The following DPP6 variants were observed in gnomAD, a reference collection of about 807,000 sequenced individuals.
DPP6 encodes the protein dipeptidyl peptidase like 6.
In DPP6, 69 loss-of-function variants were observed where a neutral mutation model predicts 122.6. That is an observed-to-expected ratio of 0.56 (90% CI 0.46 to 0.69). The LOEUF is 0.69. Among genes scored for constraint, DPP6 ranks in the 30% least tolerant of loss-of-function variants. The pLI is 0.00. For missense variants in DPP6, 928 were observed against 1,116.9 expected, an observed-to-expected ratio of 0.83 and a Z score of 2.41; for synonymous variants, 418 against 433.1, an observed-to-expected ratio of 0.97 and a Z score of 0.43.
chr7:153,895,987 G>A (rs1176258523), intron 1 of DPP6, among the ~76,000 whole-genome samples: 2 of 152,350 alleles, frequency 1.3e-5, no homozygotes, highest in East Asian at 1.9e-4. Flanking sequence ...GGCTAGCCAG[G>A]CCGGCCACAA....
chr7:154,611,982 A>T (rs1184729125), intron 5 of DPP6, among the ~76,000 whole-genome samples: 1 of 152,180 alleles, frequency 6.6e-6, no homozygotes, highest in Non-Finnish European at 1.5e-5. Flanking sequence ...CATGTGTTGG[A>T]AATTTAATCT....
chr7:154,576,474 A>G (rs1831680788), intron 5 of DPP6, among the ~76,000 whole-genome samples: 1 of 152,156 alleles, frequency 6.6e-6, no homozygotes, highest in Non-Finnish European at 1.5e-5. Context: ...TGCCTTTTGT[A>G]GTAGAAAGGG....
chr7:154,563,649 A>G lies in DPP6; in HGVS notation c.553-3193A>G, dbSNP rs146462577. ...ACAGAGGGAAAGAGAAAAGATAGCC[A>G]AGAGTTTGACCTAACAACCAAGCTA... On this transcript the variant is annotated intron_variant, in intron 4 of 25. Transcript: ENST00000377770. Among the ~76,000 whole-genome samples, 421 of 152,274 alleles carry G rather than the reference A, an allele frequency of 2.8e-3. 2 individuals carry two copies. The highest frequency in any genetic ancestry group is 9.9e-3 in the African/African-American group (412 of 41,560).
intron 1 of DPP6, among the ~76,000 whole-genome samples, chr7:154,157,494 T>C: frequency 6.6e-6 from 1 of 152,234 alleles, no homozygotes; most frequent in South Asian, 2.1e-4. Flanking sequence ...CTGACTTTTA[T>C]TGGCTCATAG....
chr7:154,597,880 G>C (rs1239248720), intron 5 of DPP6, among the ~76,000 whole-genome samples: 1 of 152,034 alleles, frequency 6.6e-6, no homozygotes, highest in Non-Finnish European at 1.5e-5. Context: ...TCTTCACATG[G>C]TGCTCTCCTT....
upstream of DPP6, among the ~76,000 whole-genome samples, chr7:153,886,838 C>G (rs527302703): frequency 1.3e-5 from 2 of 152,192 alleles, no homozygotes; most frequent in Non-Finnish European, 2.9e-5. Context: ...CCGCGTCTGG[C>G]TCTTCCCGGC....
At chr7:154,492,658 GA>G (rs1295097552) in intron 3 of DPP6, among the ~76,000 whole-genome samples, 1 of 152,134 alleles carries the variant, frequency 6.6e-6, no homozygotes, top group Non-Finnish European at 1.5e-5. Context: ...TACATATGAG[GA>G]AACTGAAGGT....
chr7:154,536,192 A>C (rs1371482853), intron 3 of DPP6, among the ~76,000 whole-genome samples: 1 of 152,178 alleles, frequency 6.6e-6, no homozygotes, highest in Non-Finnish European at 1.5e-5. Flanking sequence ...AGAGAAACAC[A>C]AAAGACTATG....
At chr7:154,769,612 T>C (rs750916571) in intron 9 of DPP6, 41 bp downstream of exon 9, 183 of 1,515,718 alleles carry the variant, frequency 1.2e-4, no homozygotes, top group Non-Finnish European at 1.6e-4. Flanking sequence ...TTTATATTAT[T>C]CATGAACACC....
At chr7:154,796,046 G>T in intron 12 of DPP6, 163 bp downstream of exon 12, 4 of 1,132,944 alleles carry the variant, frequency 3.5e-6, no homozygotes, top group Non-Finnish European at 4.8e-6. Flanking sequence ...GGTGCCTCCC[G>T]TTCTCCAGGG....
intron 1 of DPP6, among the ~76,000 whole-genome samples, chr7:154,318,859 C>T (rs879312419): frequency 6.6e-6 from 1 of 152,156 alleles, no homozygotes; most frequent in Admixed American, 6.5e-5. Flanking sequence ...CTTCGGAGAA[C>T]CTGGCCATTC....
chr7:154,229,841 T>C (rs1268192494), intron 1 of DPP6, among the ~76,000 whole-genome samples: 2 of 152,152 alleles, frequency 1.3e-5, no homozygotes, highest in Non-Finnish European at 2.9e-5. Flanking sequence ...TTCAGACATG[T>C]TATAACAAAT....
the DPP6 span, among the ~76,000 whole-genome samples, chr7:153,764,584 C>G: frequency 6.6e-6 from 1 of 150,494 alleles, no homozygotes; most frequent in East Asian, 2.0e-4. Flanking sequence ...CAAAGCCGCA[C>G]TTTTTCTCAT....
intron 1 of DPP6, among the ~76,000 whole-genome samples, chr7:154,029,425 G>A (rs995449406): frequency 6.6e-6 from 1 of 152,092 alleles, no homozygotes. Context: ...GCTGAAGCAG[G>A]AGCATGGCGT....
chr7:154,488,494 G>A (rs757566646), intron 3 of DPP6, among the ~76,000 whole-genome samples: 24 of 150,846 alleles, frequency 1.6e-4, no homozygotes, highest in African/African-American at 4.9e-4. Flanking sequence ...AATAAGAAAC[G>A]CACATCTGAT....
chr7:154,843,115 G>A (rs1584869873), intron 16 of DPP6, among the ~76,000 whole-genome samples: 1 of 152,168 alleles, frequency 6.6e-6, no homozygotes, highest in African/African-American at 2.4e-5. Flanking sequence ...AAATATGATT[G>A]TATGCTTTCA....
chr7:153,825,688 T>C, the DPP6 span, among the ~76,000 whole-genome samples: 1 of 152,182 alleles, frequency 6.6e-6, no homozygotes, highest in Admixed American at 6.5e-5. Flanking sequence ...GCCTCCTGAG[T>C]AGCAGGGATT....
chr7:154,744,427 G>A (rs1842946949), intron 8 of DPP6, among the ~76,000 whole-genome samples: 1 of 152,250 alleles, frequency 6.6e-6, no homozygotes, highest in Non-Finnish European at 1.5e-5. Flanking sequence ...GCGGCCAGCC[G>A]AGGCATGTTC....
At chr7:154,779,024 ACCT>A (rs1278960695) in intron 10 of DPP6, among the ~76,000 whole-genome samples, 26 of 104,090 alleles carry the variant, frequency 2.5e-4, no homozygotes, top group East Asian at 5.0e-4. Flanking sequence ...CCCCACCATC[ACCT>A]CCACCACCAC....
Sources: gnomAD v4.1 joint callset for allele counts (sites outside exome capture counted in the v4.1 genomes callset) on GRCh38, gnomAD v4.1.1 for gene constraint, MANE v1.5 for transcripts, NCBI Gene and HGNC (gene_info 2026-07-23, HGNC 2026-07-21) for gene names.